MALRD1: variants seen among roughly 807,000 people sequenced by gnomAD.
The protein encoded by MALRD1 is MAM and LDL-receptor class A domain-containing protein 1.
A neutral mutation model predicts 242.1 loss-of-function variants in MALRD1; 247 were observed. The ratio of observed to expected loss-of-function variants is 1.02; its 90% CI spans 0.92 to 1.13. The LOEUF (loss-of-function observed/expected upper bound fraction) is 1.13, where lower values mean the gene tolerates loss of function less well. Among genes scored for constraint, MALRD1 ranks in the 50% most tolerant of loss-of-function variants. MALRD1 has a pLI of 0.00. For synonymous variants in MALRD1, 995 were observed against 866.6 expected (o/e 1.15, Z -2.60); for missense variants, 2,989 against 2,533.1 (o/e 1.18, Z -3.86).
At chr10:19,197,223 G>A (rs1159113402) in intron 14 of MALRD1, among the ~76,000 whole-genome samples, 2 of 152,032 alleles carry the variant, frequency 1.3e-5, no homozygotes, top group Non-Finnish European at 2.9e-5. Context: ...GTCCCCCCAG[G>A]TCCCTCCCTC....
intron 36 of MALRD1, among the ~76,000 whole-genome samples, chr10:19,668,658 G>A (rs1346995959): frequency 6.6e-6 from 1 of 152,028 alleles, no homozygotes; most frequent in African/African-American, 2.4e-5. Flanking sequence ...TATACCTGGA[G>A]TCTGTGAAAA....
chr10:19,626,131 A>G (rs933991593), intron 36 of MALRD1, among the ~76,000 whole-genome samples: 4 of 152,138 alleles, frequency 2.6e-5, no homozygotes, highest in African/African-American at 9.7e-5. Context: ...ACAATTTTGT[A>G]GAGAAACATA....
chr10:19,579,615 A>C (rs1261453852), intron 33 of MALRD1, among the ~76,000 whole-genome samples: 2 of 152,168 alleles, frequency 1.3e-5, no homozygotes, highest in Non-Finnish European at 2.9e-5. Context: ...AATATAATGC[A>C]TATCCTATCA....
At chr10:19,722,856 A>G (rs567991597) in intron 38 of MALRD1, among the ~76,000 whole-genome samples, 2 of 152,136 alleles carry the variant, frequency 1.3e-5, no homozygotes, top group African/African-American at 4.8e-5. Context: ...ATGTCATTTC[A>G]TCTAAGAGAC....
At chr10:19,286,468 G>A (rs1305624395) in intron 21 of MALRD1, among the ~76,000 whole-genome samples, 1 of 152,144 alleles carries the variant, frequency 6.6e-6, no homozygotes, top group Non-Finnish European at 1.5e-5. Context: ...CATGAAGGTT[G>A]TTGAATTTTG....
intron 24 of MALRD1, among the ~76,000 whole-genome samples, chr10:19,345,288 C>T (rs1844065818): frequency 6.6e-6 from 1 of 152,118 alleles, no homozygotes. Flanking sequence ...CAGCAGCACA[C>T]ATTATTTTCT....
At chr10:19,237,701 AT>A (rs1175715091) in intron 18 of MALRD1, among the ~76,000 whole-genome samples, 1 of 114,614 alleles carries the variant, frequency 8.7e-6, no homozygotes, top group African/African-American at 3.4e-5. Context: ...TAAATACATA[AT>A]TATATATATA....
intron 29 of MALRD1, among the ~76,000 whole-genome samples, chr10:19,456,791 T>TTTA (rs1212098373): frequency 3.4e-5 from 2 of 59,486 alleles, no homozygotes; most frequent in Non-Finnish European, 6.8e-5. Flanking sequence ...TTATTTATTT[T>TTTA]GAGACAGAGT....
chr10:19,319,026 C>A (rs572394166), intron 21 of MALRD1, among the ~76,000 whole-genome samples: 1 of 151,598 alleles, frequency 6.6e-6, no homozygotes, highest in African/African-American at 2.4e-5. Context: ...TGGCGTAGTG[C>A]ATGCTACAAA....
In MALRD1 at chr10:19,307,295, G is replaced by GATGA. The variant is rs1315115862; in HGVS notation, c.3420-16651_3420-16648dup. On this transcript the variant is annotated intron_variant, in intron 21 of 39. Transcript: ENST00000454679. ...ATTAATTTGTCTAAGGGGGATACTT[G>GATGA]ATGAATTAGTTCTGCCTGACACTAC... Among the ~76,000 whole-genome samples the GATGA allele has an allele frequency of 2.0e-5, 3 of 151,482 alleles. No individual in the cohort carries two copies. In the Admixed American group the frequency reaches 2.0e-4, roughly 10 times the overall value.
chr10:19,563,769 T>C (rs1226334554), intron 32 of MALRD1, among the ~76,000 whole-genome samples: 1 of 152,176 alleles, frequency 6.6e-6, no homozygotes, highest in Non-Finnish European at 1.5e-5. Context: ...TTGAAGTAGA[T>C]GGTCTCTAAT....
At chr10:19,107,425 T>G (rs539858551) in intron 5 of MALRD1, among the ~76,000 whole-genome samples, 1 of 152,138 alleles carries the variant, frequency 6.6e-6, no homozygotes, top group East Asian at 1.9e-4. Context: ...AAGTCTATGT[T>G]ATCTGATATA....
rs577583557 is a variant in MALRD1, at chr10:19,226,280, A to T, written c.2991+16600A>T. ...AAAAGGAATTTACAAAATGTAGCAA[A>T]TTTTTTAAATTAAAAACTCCCAGCA... On this transcript the variant is annotated intron_variant, in intron 18 of 39. Transcript: ENST00000454679. 5.9e-5 allele frequency among the ~76,000 whole-genome samples: 9 copies of T among 152,268 alleles called. No individual in the cohort carries two copies. In the East Asian group the frequency reaches 1.7e-3, roughly 29 times the overall value.
chr10:19,129,638 C>T (rs12252510), intron 8 of MALRD1, among the ~76,000 whole-genome samples: 34,425 of 151,548 alleles, frequency 0.23, 4,357 homozygotes, highest in African/African-American at 0.34. Context: ...CATAAGATTC[C>T]ATTAACATCC....
chr10:19,628,821 A>G lies in MALRD1; in HGVS notation c.6137+12898A>G, dbSNP rs545697419. Among the ~76,000 whole-genome samples, 42 of 152,350 alleles carry G rather than the reference A, an allele frequency of 2.8e-4. No individual in the cohort carries two copies. In the South Asian group the frequency reaches 6.6e-3, roughly 24 times the overall value. On this transcript the variant is annotated intron_variant, in intron 36 of 39. Transcript: ENST00000454679. ...TTTTAAAAATACTAACATATGTTACAGTAAAAGGCAGAGTCAGTTGGCTGC... is the reference window on the plus strand; with the variant it reads ...TTTTAAAAATACTAACATATGTTACGGTAAAAGGCAGAGTCAGTTGGCTGC...
intron 4 of MALRD1, among the ~76,000 whole-genome samples, chr10:19,103,369 A>G (rs866161294): frequency 2.6e-5 from 4 of 151,598 alleles, no homozygotes; most frequent in East Asian, 2.0e-4. Context: ...AGACCATCCT[A>G]GCTAACACGG....
chr10:19,694,706 A>G (rs1833284800), intron 38 of MALRD1, among the ~76,000 whole-genome samples: 1 of 152,228 alleles, frequency 6.6e-6, no homozygotes, highest in Non-Finnish European at 1.5e-5. Flanking sequence ...CATTTGACCC[A>G]GCCATCCATT....
chr10:19,461,247 C>G (rs535054129), intron 29 of MALRD1, among the ~76,000 whole-genome samples: 1 of 152,112 alleles, frequency 6.6e-6, no homozygotes, highest in Non-Finnish European at 1.5e-5. Flanking sequence ...AAATGACTCA[C>G]ACAAATTGTC....
At chr10:19,080,804 A>C (rs1216901961) in intron 2 of MALRD1, among the ~76,000 whole-genome samples, 1 of 152,110 alleles carries the variant, frequency 6.6e-6, no homozygotes, top group East Asian at 1.9e-4. Flanking sequence ...TGCACAGCAA[A>C]AGAAACTATC....
Sources: allele counts gnomAD v4.1 joint callset (sites outside exome capture counted in the v4.1 genomes callset), GRCh38; gene constraint gnomAD v4.1.1; transcripts MANE v1.5; gene names NCBI Gene and HGNC (gene_info 2026-07-23, HGNC 2026-07-21).